RNF31: variants seen among roughly 807,000 people sequenced by gnomAD.
The protein encoded by RNF31 is ring finger protein 31.
A neutral mutation model predicts 133.6 loss-of-function variants in RNF31; 38 were observed. The observed-to-expected ratio is 0.28, with a 90% CI of 0.22 to 0.37. The LOEUF (loss-of-function observed/expected upper bound fraction) is 0.37. Among genes scored for constraint, RNF31 ranks in the 10% least tolerant of loss-of-function variants. The pLI is 1.00. For missense variants in RNF31, 1,118 were observed against 1,394.1 expected, an observed-to-expected ratio of 0.80 and a Z score of 3.15; for synonymous variants, 582 against 552.3, an observed-to-expected ratio of 1.05 and a Z score of -0.75.
chr14:24,153,912 TTAAA>T (rs970956806), intron 11 of RNF31, among the ~76,000 whole-genome samples: 9 of 151,942 alleles, frequency 5.9e-5, no homozygotes, highest in African/African-American at 9.6e-5. Context: ...TCAAAATAAA[TTAAA>T]TAAATAAATA....
At chr14:24,158,531 C>T in intron 18 of RNF31, 1 of 366,232 alleles carries the variant, frequency 2.7e-6, no homozygotes, top group Non-Finnish European at 5.0e-6. Context: ...GTTTTAGGTT[C>T]CATGAGGGCA....
At chr14:24,158,637 C>G in intron 18 of RNF31, 1 of 162,832 alleles carries the variant, frequency 6.1e-6, no homozygotes, top group Admixed American at 6.1e-5. Context: ...TGTGACTGAT[C>G]TTTTCTGATC....
intron 5 of RNF31, 146 bp downstream of exon 5, chr14:24,149,022 G>C: frequency 7.6e-6 from 6 of 793,756 alleles, no homozygotes; most frequent in Non-Finnish European, 1.3e-5. Flanking sequence ...GGAGTGCAAT[G>C]GTGCGATCTC....
In RNF31 at chr14:24,150,221, G is replaced by T. The variant is rs761063984; in HGVS notation, c.970G>T (p.Asp324Tyr). ...TTGGGCAGTGCTCTGTGTGGCCTGT[G>T]ATCGGCCCCGAGGCTGTAAGGGGTT... The part of the protein sequence containing the change: ...EPWAVLCVAC[D>Y]RPRGCKGLGL... The change falls in exon 7 of 21, where the codon GAT becomes TAT. Residue 324 changes from aspartate (D) to tyrosine (Y), a missense_variant. Around this residue, in one of 3 missense-constraint regions of RNF31, gnomAD observed 747 missense variants for 827.9 expected, o/e 0.90. Transcript: ENST00000324103. 17 of 1,614,094 alleles carry T rather than the reference G, an allele frequency of 1.1e-5. No homozygotes were observed. The African/African-American group carries it at 2.1e-4, about 20-fold the overall frequency.
At chr14:24,153,882 C>T (rs570696429) in intron 11 of RNF31, among the ~76,000 whole-genome samples, 15 of 151,860 alleles carry the variant, frequency 9.9e-5, no homozygotes, top group East Asian at 7.8e-4. Context: ...CCAGTCTGAG[C>T]GACAGAGTGA....
intron 1 of RNF31, 27 bp downstream of exon 1, chr14:24,147,917 G>GT: frequency 6.2e-7 from 1 of 1,612,820 alleles, no homozygotes; most frequent in Non-Finnish European, 8.5e-7. Context: ...CTTGGAAGGG[G>GT]GACACCAGGG....
At position 24,155,451 on chromosome 14, in the gene RNF31, TC is replaced by T; in HGVS notation, c.2344del (p.His782IlefsTer4). 6.2e-7 allele frequency: 1 copy of T among 1,614,184 alleles called. No homozygotes were observed. Among genetic ancestry groups the T allele is most frequent in the Non-Finnish European group, 8.5e-7 (1 of 1,180,032 alleles). ...ESLEPDAYAL[F>X]HKKLTEGVLM... ...CTAGAGCCAGATGCCTATGCGTTGT[TC>T]CATAAGAAGCTGACCGAGGGTGTGC... On this transcript the variant is annotated frameshift_variant, in exon 13 of 21. Transcript: ENST00000324103. LOFTEE classifies it high-confidence loss of function. This position sits in a 1 kb window ranked among gnomAD's most constrained non-coding sequence, Gnocchi z 4.9.
chr14:24,153,539 C>T (rs1308265505), intron 11 of RNF31, among the ~76,000 whole-genome samples: 4 of 146,286 alleles, frequency 2.7e-5, no homozygotes, highest in East Asian at 2.1e-4. Flanking sequence ...ATCGTGCCAC[C>T]GCACTCCAGC....
intron 4 of RNF31, 27 bp from the exon 5 acceptor site, chr14:24,148,772 TTA>T (rs774608269): frequency 6.2e-7 from 1 of 1,613,988 alleles, no homozygotes; most frequent in Non-Finnish European, 8.5e-7. Context: ...CCCTAAACCC[TTA>T]TTCATTCCCT....
Position 24,160,267 on chromosome 14 carries a change from C to G in RNF31, c.3025C>G (p.Leu1009Val), listed in dbSNP as rs374389468. Reference sequence around the variant, plus strand: ...ACACTACAAAGAGTATCTTGTGAGCCTCATCAATGCCCACTCGCTGGACCC... The same window carrying G: ...ACACTACAAAGAGTATCTTGTGAGCGTCATCAATGCCCACTCGCTGGACCC... ...QAHYKEYLVS[L>V]INAHSLDPAT... Residue 1009 changes from leucine to valine, a missense_variant, in exon 20 of 21, where the codon CTC becomes GTC. Leu to Val is a conservative substitution (Grantham distance 32). This residue lies in a region of RNF31 where 170 missense variants were observed against 194.5 expected (regional missense o/e 0.87). Transcript: ENST00000324103. The surrounding 1 kb of genome is among the most constrained non-coding windows in gnomAD (Gnocchi z 4.0). The G allele has an allele frequency of 2.5e-6, 4 of 1,613,934 alleles. No homozygotes were observed. The highest frequency in any genetic ancestry group is 3.4e-6 in the Non-Finnish European group (4 of 1,180,014).
Position 24,151,302 on chromosome 14 carries a change from G to A in RNF31, c.1660G>A (p.Ala554Thr). 3 of 1,614,252 alleles carry A rather than the reference G, an allele frequency of 1.9e-6. No individual in the cohort carries two copies. The highest frequency in any genetic ancestry group is 2.2e-5 in the East Asian group (1 of 44,892). Reference protein sequence around the residue: ...PGLGAFSCQEARRAWLDRHGN... With the variant: ...PGLGAFSCQETRRAWLDRHGN... ...GCTGGGTGCCTTTTCCTGTCAGGAG[G>A]CCCGGAGAGCCTGGCTGGATCGTCA... The change falls in exon 9 of 21, where the codon GCC becomes ACC. Residue 554 changes from alanine (A) to threonine (T), a missense_variant. By Grantham distance (58) the Ala-to-Thr change is moderately conservative. Transcript: ENST00000324103. This position sits in a 1 kb window ranked among gnomAD's most constrained non-coding sequence, Gnocchi z 5.3.
At position 24,150,303 on chromosome 14, in the gene RNF31, G is replaced by T. The variant is rs549177842; in HGVS notation, c.1052G>T (p.Arg351Leu). The part of the protein sequence containing the change: ...GTGGLEPDLA[R>L]GRWACQSCTF... ...GGAGGCCTAGAACCTGATCTTGCAC[G>T]GGGTCGGTGGGCCTGCCAGAGCTGT... Residue 351 changes from arginine (R) to leucine (L), a missense_variant, in exon 7 of 21, where the codon CGG becomes CTG. Transcript: ENST00000324103. The T allele has an allele frequency of 2.5e-6, 4 of 1,614,222 alleles. No individual in the cohort carries two copies. The African/African-American group carries it at 5.3e-5, about 22-fold the overall frequency.
In RNF31 at chr14:24,147,537, G is replaced by T; in HGVS notation, c.-162G>T. The T allele has an allele frequency of 3.8e-6, 2 of 529,726 alleles. No individual in the cohort carries two copies. The highest frequency in any genetic ancestry group is 6.0e-6 in the Non-Finnish European group (2 of 331,324). The allele number at this position is 529,726 out of a possible 1,614,324, so 32.8% of individuals were successfully genotyped here. On this transcript the variant is annotated 5_prime_UTR_variant, in exon 1 of 21. Transcript: ENST00000324103. Reference sequence around the variant, plus strand: ...TCTCGGCTAACCCTGGCGCTGGGCCGGGGGCTGGAGAGTGACCGTGGTCTG... The same window carrying T: ...TCTCGGCTAACCCTGGCGCTGGGCCTGGGGCTGGAGAGTGACCGTGGTCTG...
chr14:24,154,395 G>C (rs2038312289), intron 11 of RNF31, among the ~76,000 whole-genome samples: 1 of 152,174 alleles, frequency 6.6e-6, no homozygotes, highest in Admixed American at 6.5e-5. Flanking sequence ...GCCTGCCTCA[G>C]CCTCCCAAAG....
At chr14:24,159,774 G>A (rs1042196848) in intron 18 of RNF31, 90 bp from the exon 19 acceptor site, 2 of 1,012,550 alleles carry the variant, frequency 2.0e-6, no homozygotes, top group South Asian at 2.8e-5. Context: ...TTCCTTGGAG[G>A]CTGCCTTCCC....
chr14:24,146,984 G>A, upstream of RNF31: 1 of 273,502 alleles, frequency 3.7e-6, no homozygotes, highest in South Asian at 3.7e-5. Flanking sequence ...GCAAGTAGCG[G>A]ACGGAGAGAG....
rs79491227 is a variant in RNF31 at position 24,149,295 on chromosome 14, C to A, written c.632-111C>A. 5,087 of 1,130,510 alleles carry A rather than the reference C, an allele frequency of 4.5e-3. 176 individuals are homozygous for A. The African/African-American group carries it at 0.072, about 16-fold the overall frequency. The allele number at this position is 1,130,510 out of a possible 1,614,324, so 70.0% of individuals were successfully genotyped here. A position where few individuals can be genotyped will look rare whatever the true frequency, so the allele number is the denominator to read the frequency against. On this transcript the variant is annotated intron_variant, in intron 5 of 20. Coordinates refer to ENST00000324103, the MANE Select transcript of RNF31 (RefSeq NM_017999.5). ...TTTTTAAAAGAGATTAAAATTGTTT[C>A]CTTGGGTCCAGATGTTTAAAAAGTA...
chr14:24,147,426 T>A (rs1476016516), upstream of RNF31: 1 of 331,224 alleles, frequency 3.0e-6, no homozygotes, highest in East Asian at 4.7e-5. Flanking sequence ...CCTGGTTTCC[T>A]GACACCGCTC....
chr14:24,156,855 T>G (rs1412357640), intron 14 of RNF31, among the ~76,000 whole-genome samples: 3 of 151,870 alleles, frequency 2.0e-5, no homozygotes, highest in Non-Finnish European at 4.4e-5. Context: ...AGTGAACACC[T>G]GAGACTACCA....
Sources: allele counts gnomAD v4.1 joint callset (sites outside exome capture counted in the v4.1 genomes callset), GRCh38; gene constraint gnomAD v4.1.1; regional missense constraint gnomAD v4.1.1; non-coding constraint Gnocchi (gnomAD v3.1); transcripts MANE v1.5; gene names NCBI Gene and HGNC (gene_info 2026-07-23, HGNC 2026-07-21).